The following ZNF804B variants were observed in gnomAD, a reference collection of about 807,000 sequenced individuals.
ZNF804B encodes zinc finger 804B.
A neutral mutation model predicts 101.4 loss-of-function variants in ZNF804B; 80 were observed. The observed-to-expected ratio is 0.79, with a 90% CI of 0.66 to 0.95. The LOEUF (loss-of-function observed/expected upper bound fraction) is 0.95, where lower values mean the gene tolerates loss of function less well. Among genes scored for constraint, ZNF804B ranks in the 40% least tolerant of loss-of-function variants. ZNF804B has a pLI of 0.00. For synonymous variants in ZNF804B, 622 were observed against 558.8 expected, an observed-to-expected ratio of 1.11 and a Z score of -1.59; for missense variants, 1,673 against 1,561.9, an observed-to-expected ratio of 1.07 and a Z score of -1.20.
At chr7:88,773,997 C>A (rs1487956218) in intron 1 of ZNF804B, among the ~76,000 whole-genome samples, 1 of 151,848 alleles carries the variant, frequency 6.6e-6, no homozygotes, top group Non-Finnish European at 1.5e-5. Context: ...GTATCAGTGA[C>A]CAAACTCCTT....
At chr7:89,141,255 A>C (rs1790711610) in intron 1 of ZNF804B, among the ~76,000 whole-genome samples, 1 of 152,088 alleles carries the variant, frequency 6.6e-6, no homozygotes, top group Non-Finnish European at 1.5e-5. Context: ...TAAATATTGC[A>C]AGAGTTACCA....
intron 1 of ZNF804B, among the ~76,000 whole-genome samples, chr7:89,210,787 A>G (rs1788791375): frequency 6.6e-6 from 1 of 152,202 alleles, no homozygotes. Flanking sequence ...GCGATTGTGA[A>G]TAGTGCTGCA....
intron 1 of ZNF804B, among the ~76,000 whole-genome samples, chr7:89,130,035 T>C (rs1256550196): frequency 6.6e-6 from 1 of 151,978 alleles, no homozygotes. Flanking sequence ...AAGTTTAAAG[T>C]GAACCTCTTG....
At chr7:89,272,917 C>A (rs777805343) in intron 2 of ZNF804B, among the ~76,000 whole-genome samples, 1 of 152,000 alleles carries the variant, frequency 6.6e-6, no homozygotes, top group African/African-American at 2.4e-5. Flanking sequence ...CTTTATACTG[C>A]CCTCTTGTTT....
chr7:89,220,107 G>GCA (rs1243340064), intron 2 of ZNF804B, among the ~76,000 whole-genome samples: 1 of 60,338 alleles, frequency 1.7e-5, no homozygotes, highest in Non-Finnish European at 3.5e-5. Flanking sequence ...ATATATATGT[G>GCA]TGTATATACA....
At chr7:89,208,605 CT>C (rs1788753635) in intron 1 of ZNF804B, among the ~76,000 whole-genome samples, 1 of 151,112 alleles carries the variant, frequency 6.6e-6, no homozygotes, top group Non-Finnish European at 1.5e-5. Context: ...TCCTTTCTAA[CT>C]TGTTTTTCTG....
intron 1 of ZNF804B, among the ~76,000 whole-genome samples, chr7:88,867,052 A>G (rs1248500618): frequency 6.6e-6 from 1 of 152,236 alleles, no homozygotes; most frequent in Non-Finnish European, 1.5e-5. Flanking sequence ...TATTAGTGGA[A>G]TGATGAGTAC....
chr7:88,764,816 C>G (rs1301713429), intron 1 of ZNF804B, among the ~76,000 whole-genome samples: 1 of 152,140 alleles, frequency 6.6e-6, no homozygotes, highest in Non-Finnish European at 1.5e-5. Context: ...GACATGCCCT[C>G]CTGTAGAGAA....
intron 1 of ZNF804B, among the ~76,000 whole-genome samples, chr7:88,988,391 T>C (rs1793795285): frequency 6.6e-6 from 1 of 152,120 alleles, no homozygotes; most frequent in Admixed American, 6.6e-5. Flanking sequence ...AAGAGAGAGA[T>C]GTGCTGCTCT....
intron 1 of ZNF804B, among the ~76,000 whole-genome samples, chr7:88,935,385 AAG>A (rs1486764554): frequency 2.0e-3 from 287 of 144,402 alleles, no homozygotes; most frequent in African/African-American, 7.1e-3. Flanking sequence ...AAAAAAAAAA[AAG>A]AATACACCTT....
intron 1 of ZNF804B, among the ~76,000 whole-genome samples, chr7:89,023,816 T>C (rs892436699): frequency 2.0e-5 from 3 of 152,186 alleles, no homozygotes; most frequent in African/African-American, 7.2e-5. Context: ...CCTGAGCTCA[T>C]ATGCCTAGGA....
At chr7:88,864,992 G>A (rs1791704514) in intron 1 of ZNF804B, among the ~76,000 whole-genome samples, 1 of 152,126 alleles carries the variant, frequency 6.6e-6, no homozygotes, top group Non-Finnish European at 1.5e-5. Context: ...ACTTTGGGAG[G>A]CCAAGGCAGG....
At chr7:89,298,216 G>GTA (rs1171165341) in intron 2 of ZNF804B, among the ~76,000 whole-genome samples, 2,873 of 27,388 alleles carry the variant, frequency 0.1, 224 homozygotes, top group Middle Eastern at 0.23. Context: ...GTGTGTGTGT[G>GTA]TATATATATA....
intron 2 of ZNF804B, among the ~76,000 whole-genome samples, chr7:89,318,758 T>C (rs1038759284): frequency 1.3e-5 from 2 of 152,168 alleles, no homozygotes; most frequent in Non-Finnish European, 2.9e-5. Flanking sequence ...CAAGACTCCA[T>C]TGCTGAGACC....
In ZNF804B at chr7:88,894,961, T is replaced by C. The variant is rs367909448; in HGVS notation, c.108+134877T>C. Among the ~76,000 whole-genome samples the C allele has an allele frequency of 3.7e-4, 57 of 152,246 alleles. No individual in the cohort carries two copies. In the East Asian group the frequency reaches 5.6e-3, roughly 15 times the overall value. ...ATTTTTAAAAACTTCTAGAACTCTA[T>C]AACACAAATGGTGAACATTAATGTA... On this transcript the variant is annotated intron_variant, in intron 1 of 3. Coordinates refer to ENST00000333190, the MANE Select transcript of ZNF804B (RefSeq NM_181646.5).
chr7:88,879,645 A>G (rs1217590617), intron 1 of ZNF804B, among the ~76,000 whole-genome samples: 1 of 152,180 alleles, frequency 6.6e-6, no homozygotes, highest in East Asian at 1.9e-4. Flanking sequence ...AACTCACATT[A>G]AGAACATTAG....
chr7:88,973,648 CT>C (rs1562848223), intron 1 of ZNF804B, among the ~76,000 whole-genome samples: 2 of 151,070 alleles, frequency 1.3e-5, no homozygotes, highest in Admixed American at 1.3e-4. Context: ...TTTGTACACA[CT>C]TTTATGCTAC....
intron 1 of ZNF804B, among the ~76,000 whole-genome samples, chr7:88,881,332 G>C (rs996251943): frequency 1.4e-4 from 22 of 152,142 alleles, no homozygotes; most frequent in Non-Finnish European, 3.1e-4. Flanking sequence ...AGATTATATT[G>C]CTGAGTTAGC....
chr7:88,765,230 A>C (rs965457810), intron 1 of ZNF804B, among the ~76,000 whole-genome samples: 1 of 152,142 alleles, frequency 6.6e-6, no homozygotes, highest in Admixed American at 6.6e-5. Flanking sequence ...TTTCTTTTAG[A>C]TATATGACTA....
Sources: gnomAD v4.1 joint callset for allele counts (sites outside exome capture counted in the v4.1 genomes callset) on GRCh38, gnomAD v4.1.1 for gene constraint, MANE v1.5 for transcripts, NCBI Gene and HGNC (gene_info 2026-07-23, HGNC 2026-07-21) for gene names.